Variants in ABCA6 observed in about 807,000 individuals in gnomAD.
ABCA6 encodes the protein ATP binding cassette subfamily A member 6, also known as ATP-binding cassette sub-family A member 6.
In ABCA6, 164 loss-of-function variants were observed where a neutral mutation model predicts 191.2. That is an observed-to-expected ratio of 0.86 (90% CI 0.76 to 0.98). ABCA6 has a LOEUF of 0.98. Ranked by LOEUF, ABCA6 falls within the 50% of genes least tolerant of loss-of-function variation. The pLI, the probability that ABCA6 is intolerant of heterozygous loss-of-function variation, is 0.00. For missense variants in ABCA6, 1,958 were observed against 1,894.1 expected, an observed-to-expected ratio of 1.03 and a Z score of -0.63; for synonymous variants, 636 against 647.7, an observed-to-expected ratio of 0.98 and a Z score of 0.27.
At chr17:69,087,188 C>T (rs1168300246) in intron 29 of ABCA6, among the ~76,000 whole-genome samples, 165 bp downstream of exon 29, 2 of 152,152 alleles carry the variant, frequency 1.3e-5, no homozygotes, top group East Asian at 3.8e-4. Flanking sequence ...TCTGAATAAG[C>T]GGAGTGCCTT....
chr17:69,085,169 C>G lies in ABCA6; in HGVS notation c.4043G>C (p.Gly1348Ala). Residue 1348 changes from glycine (G) to alanine (A), a missense_variant, in exon 32 of 39, where the codon GGC becomes GCC. Coordinates refer to ENST00000284425, the MANE Select transcript of ABCA6 (RefSeq NM_080284.3). ...KPTAGEVELK[G>A]CSSVLGHLGY... ...CAGGTGGCCCAAAACTGAACTGCAG[C>G]CTTTCAGTTCCACCTAAAAAAATAA... 6.2e-7 allele frequency: 1 copy of G among 1,608,346 alleles called. No individual in the cohort carries two copies. The highest frequency in any genetic ancestry group is 2.2e-5 in the East Asian group (1 of 44,748).
chr17:69,091,955 T>C (rs973539682), intron 25 of ABCA6, among the ~76,000 whole-genome samples: 1 of 149,894 alleles, frequency 6.7e-6, no homozygotes, highest in Non-Finnish European at 1.5e-5. Context: ...ACATGGCTAT[T>C]ATAAAAAAAA....
chr17:69,082,913 C>T lies in ABCA6; in HGVS notation c.4576G>A (p.Glu1526Lys). ...GCCTGTGGGAAAAGCTTCAGAATCT[C>T]AGTGTGGACCAAAGTCACTTGAGAC... Reference protein sequence around the residue: ...ETSQVTLVHTEILKLFPQAAG... With the variant: ...ETSQVTLVHTKILKLFPQAAG... The change falls in exon 36 of 39, where the codon GAG becomes AAG. Residue 1526 changes from glutamate (E) to lysine (K), a missense_variant. Transcript: ENST00000284425. 6.2e-7 allele frequency: 1 copy of T among 1,614,198 alleles called. No individual in the cohort carries two copies. Among genetic ancestry groups the T allele is most frequent in the Non-Finnish European group, 8.5e-7 (1 of 1,180,012 alleles).
chr17:69,097,896 C>A, intron 23 of ABCA6, 24 bp downstream of exon 23: 1 of 1,527,956 alleles, frequency 6.5e-7, no homozygotes, highest in Non-Finnish European at 8.8e-7. Flanking sequence ...CCTGAAATTT[C>A]TTCTTTTCCC....
Position 69,083,293 on chromosome 17 carries a change from C to A in ABCA6, c.4394G>T (p.Gly1465Val). Residue 1465 changes from glycine to valine, a missense_variant, in exon 35 of 39, where the codon GGT becomes GTT. Gly to Val is a moderately radical substitution (Grantham distance 109). Coordinates refer to ENST00000284425, the MANE Select transcript of ABCA6 (RefSeq NM_080284.3). ...CAGGTTATGGGTGGTCAGGAGGACA[C>A]CTCTCTCTGTGTTTTTAACGACTGC... Reference protein sequence around the residue: ...IQAVVKNTERGVLLTTHNLAE... With the variant: ...IQAVVKNTERVVLLTTHNLAE... The A allele has an allele frequency of 6.2e-7, 1 of 1,605,622 alleles. No individual in the cohort carries two copies. Among genetic ancestry groups the A allele is most frequent in the Non-Finnish European group, 8.5e-7 (1 of 1,177,848 alleles).
At chr17:69,087,725 C>T (rs1056094279) in intron 28 of ABCA6, 8 of 490,902 alleles carry the variant, frequency 1.6e-5, no homozygotes, top group Non-Finnish European at 2.9e-5. Context: ...AGGTACTGCT[C>T]CTTTCTCTTT....
chr17:69,087,797 T>C (rs905533551), intron 28 of ABCA6, among the ~76,000 whole-genome samples: 1 of 152,212 alleles, frequency 6.6e-6, no homozygotes, highest in African/African-American at 2.4e-5. Context: ...ACACCAGATG[T>C]TTTTTCAACA....
At position 69,133,708 on chromosome 17, in the gene ABCA6, C is replaced by T; in HGVS notation, c.724G>A (p.Val242Ile). The T allele has an allele frequency of 6.2e-7, 1 of 1,610,464 alleles. No individual in the cohort carries two copies. Residue 242 changes from valine (V) to isoleucine (I), a missense_variant, in exon 6 of 39, where the codon GTA becomes ATA. Physicochemically the swap from Val to Ile is conservative, Grantham distance 29. Transcript: ENST00000284425. ...TTAGACTTTTTTCTCTCTTTTGTTA[C>T]ATTGAGTGATATAAAATATACAAGT... is the stretch of plus-strand genomic sequence containing the variant. ...SPLVYFISLNVTKERKKSKNL... is the reference protein window; with the variant it reads ...SPLVYFISLNITKERKKSKNL...
intron 32 of ABCA6, 146 bp from the exon 33 acceptor site, chr17:69,084,653 T>C (rs2072730804): frequency 1.3e-6 from 1 of 778,570 alleles, no homozygotes; most frequent in South Asian, 2.1e-5. Context: ...GATTGGTTTA[T>C]TTTGGAACAT....
intron 37 of ABCA6, among the ~76,000 whole-genome samples, chr17:69,079,973 G>T (rs868359127): frequency 2.6e-5 from 4 of 152,128 alleles, no homozygotes; most frequent in Admixed American, 1.3e-4. Flanking sequence ...GGTCAGAGAA[G>T]GCCACACTAA....
chr17:69,126,853 A>G (rs1266999475), intron 8 of ABCA6, among the ~76,000 whole-genome samples: 5 of 152,314 alleles, frequency 3.3e-5, no homozygotes, highest in African/African-American at 1.2e-4. Context: ...TAAAATTTAC[A>G]TAATTGCAAA....
chr17:69,079,423 G>A (rs919160195), intron 37 of ABCA6, among the ~76,000 whole-genome samples, 158 bp from the exon 38 acceptor site: 3 of 152,112 alleles, frequency 2.0e-5, no homozygotes, highest in African/African-American at 7.2e-5. Context: ...AAGCCATACA[G>A]AATTAATATA....
At position 69,136,146 on chromosome 17, in the gene ABCA6, TATA is replaced by T. The variant is rs759283136; in HGVS notation, c.403_405del (p.Tyr135del). On this transcript the variant is annotated inframe_deletion, in exon 4 of 39. Transcript: ENST00000284425. ...TTATATCCCTGGAAAAATATTAACT[TATA>T]AGAGAAAGTTTCATTAAAGATGATT... 1.3e-5 allele frequency: 21 copies of T among 1,608,720 alleles called. No individual in the cohort carries two copies. The highest frequency in any genetic ancestry group is 8.4e-5 in the Admixed American group (5 of 59,548).
rs768509031 is a variant in ABCA6 at position 69,083,351 on chromosome 17, T to G, written c.4356-20A>C. The stretch of plus-strand genomic sequence containing the variant: ...GCCTGCCTGCAGTGAGCAAAAAAAT[T>G]AACAGTATTTAAAATAACTAAGTGC... On this transcript the variant is annotated intron_variant, in intron 34 of 38. Coordinates refer to ENST00000284425, the MANE Select transcript of ABCA6 (RefSeq NM_080284.3). 5.2e-6 allele frequency: 8 copies of G among 1,549,858 alleles called. No homozygotes were observed. The highest frequency in any genetic ancestry group is 2.5e-5 in the South Asian group (2 of 79,080).
intron 37 of ABCA6, 73 bp downstream of exon 37, chr17:69,080,993 T>A: frequency 2.1e-6 from 2 of 957,586 alleles, no homozygotes; most frequent in Non-Finnish European, 3.2e-6. Flanking sequence ...GTTACACAAT[T>A]AGCTTCCATT....
chr17:69,117,052 A>G (rs770579488), intron 11 of ABCA6, among the ~76,000 whole-genome samples: 1 of 152,138 alleles, frequency 6.6e-6, no homozygotes. Context: ...CATTAAAGAA[A>G]GAAATCACAG....
intron 10 of ABCA6, among the ~76,000 whole-genome samples, chr17:69,118,469 C>T (rs2073577781): frequency 6.6e-6 from 1 of 152,036 alleles, no homozygotes; most frequent in Non-Finnish European, 1.5e-5. Flanking sequence ...ATAAACTTGC[C>T]ATTGTAAACT....
chr17:69,084,999 C>T, intron 32 of ABCA6, 29 bp downstream of exon 32: 1 of 1,571,080 alleles, frequency 6.4e-7, no homozygotes, highest in Admixed American at 2.1e-5. Context: ...TGCATTCTGA[C>T]ACAAAGGAAT....
intron 17 of ABCA6, chr17:69,110,239 G>A (rs1464028948): frequency 6.6e-6 from 1 of 152,234 alleles, no homozygotes; most frequent in African/African-American, 2.4e-5. Flanking sequence ...CTTACAAAGA[G>A]AAACCTGTAG....
Sources: allele counts gnomAD v4.1 joint callset (sites outside exome capture counted in the v4.1 genomes callset), GRCh38; gene constraint gnomAD v4.1.1; transcripts MANE v1.5; gene names NCBI Gene and HGNC (gene_info 2026-07-23, HGNC 2026-07-21).